The following PITPNB variants were observed in gnomAD, a reference collection of about 807,000 sequenced individuals.
The protein encoded by PITPNB is phosphatidylinositol transfer protein beta, also known as phosphatidylinositol transfer protein beta isoform.
In PITPNB, 16 loss-of-function variants were observed where a neutral mutation model predicts 45.9. The observed-to-expected ratio is 0.35, with a 90% CI of 0.24 to 0.53. PITPNB has a LOEUF of 0.53. Ranked by LOEUF, PITPNB falls within the 20% of genes least tolerant of loss-of-function variation. The pLI, the probability that PITPNB is intolerant of heterozygous loss-of-function variation, is 0.93. For missense variants in PITPNB, 188 were observed against 330.5 expected, an observed-to-expected ratio of 0.57 and a Z score of 3.34; for synonymous variants, 112 against 108.9, an observed-to-expected ratio of 1.03 and a Z score of -0.18.
chr22:27,897,229 C>G, intron 4 of PITPNB, 92 bp from the exon 5 acceptor site: 1 of 854,356 alleles, frequency 1.2e-6, no homozygotes, highest in Non-Finnish European at 2.0e-6. Flanking sequence ...CTTAATGTCA[C>G]AAAGACTAAA....
intron 3 of PITPNB, among the ~76,000 whole-genome samples, chr22:27,903,767 C>G (rs1935678298): frequency 7.4e-6 from 1 of 135,686 alleles, no homozygotes; most frequent in Admixed American, 7.9e-5. Flanking sequence ...CATAGTGAGA[C>G]CCTGTCTCCC....
intron 1 of PITPNB, among the ~76,000 whole-genome samples, chr22:27,917,192 T>C (rs1187503154): frequency 6.6e-6 from 1 of 152,248 alleles, no homozygotes; most frequent in African/African-American, 2.4e-5. Context: ...ATCTTCATAA[T>C]GAAAGCAAAT....
chr22:27,868,121 A>T (rs934300386), intron 8 of PITPNB, among the ~76,000 whole-genome samples: 1 of 152,212 alleles, frequency 6.6e-6, no homozygotes, highest in Non-Finnish European at 1.5e-5. Context: ...CAAATGTGAG[A>T]TTACAGGGAG....
chr22:27,868,379 T>C (rs1341398822), intron 8 of PITPNB, among the ~76,000 whole-genome samples: 1 of 152,192 alleles, frequency 6.6e-6, no homozygotes, highest in African/African-American at 2.4e-5. Context: ...CAAAAAAATT[T>C]TGCAGTTTCA....
chr22:27,856,057 A>C (rs1286961940), intron 10 of PITPNB, among the ~76,000 whole-genome samples: 6 of 152,292 alleles, frequency 3.9e-5, no homozygotes, highest in African/African-American at 1.4e-4. Flanking sequence ...CTGTGTGTGG[A>C]ACCAAGCACT....
intron 1 of PITPNB, among the ~76,000 whole-genome samples, chr22:27,916,668 T>G (rs1936085052): frequency 6.6e-6 from 1 of 152,128 alleles, no homozygotes; most frequent in Non-Finnish European, 1.5e-5. Context: ...CCGGTCATGG[T>G]GGCGTGCGCC....
intron 3 of PITPNB, among the ~76,000 whole-genome samples, chr22:27,900,001 G>A (rs1023741881): frequency 1.3e-5 from 2 of 151,954 alleles, no homozygotes; most frequent in Non-Finnish European, 2.9e-5. Context: ...TCAGGAGTTC[G>A]AGACCAGCCT....
chr22:27,883,003 C>T (rs1935018132), intron 7 of PITPNB, among the ~76,000 whole-genome samples: 1 of 152,120 alleles, frequency 6.6e-6, no homozygotes, highest in Non-Finnish European at 1.5e-5. Flanking sequence ...GTACCCACAC[C>T]AAAACACATC....
chr22:27,901,157 A>G (rs1935580715), intron 3 of PITPNB, among the ~76,000 whole-genome samples: 1 of 152,232 alleles, frequency 6.6e-6, no homozygotes, highest in Admixed American at 6.5e-5. Flanking sequence ...GTTAAGAGTT[A>G]CCCATAGCAC....
intron 7 of PITPNB, among the ~76,000 whole-genome samples, chr22:27,885,180 T>C (rs759144790): frequency 1.0e-5 from 1 of 98,646 alleles, no homozygotes; most frequent in African/African-American, 4.1e-5. Flanking sequence ...GTGCTGGAGA[T>C]GATTAAAAAG....
chr22:27,907,667 A>C (rs547384630), intron 3 of PITPNB, among the ~76,000 whole-genome samples: 1 of 152,124 alleles, frequency 6.6e-6, no homozygotes, highest in African/African-American at 2.4e-5. Context: ...TATGGGAATC[A>C]ACCCTCGCCA....
intron 7 of PITPNB, among the ~76,000 whole-genome samples, chr22:27,875,240 A>G (rs1934786263): frequency 6.6e-6 from 1 of 152,270 alleles, no homozygotes; most frequent in Non-Finnish European, 1.5e-5. Context: ...AAAGTATTAA[A>G]CAGCAAATAG....
intron 7 of PITPNB, among the ~76,000 whole-genome samples, chr22:27,887,385 A>T (rs1935151638): frequency 6.6e-6 from 1 of 152,180 alleles, no homozygotes; most frequent in Admixed American, 6.5e-5. Context: ...AAAGCAAGAG[A>T]GTCAGGCTCC....
At position 27,869,076 on chromosome 22, in the gene PITPNB, T is replaced by TAC. The variant is rs150737268; in HGVS notation, c.534+4660_534+4661dup. Among the ~76,000 whole-genome samples, 1,328 of 150,114 alleles carry TAC rather than the reference T, an allele frequency of 8.8e-3. 8 individuals carry two copies. Among genetic ancestry groups the TAC allele is most frequent in the African/African-American group, 0.026 (1,057 of 41,074 alleles). ...AAAGCTAAAAACAAATGGAAACAGG[T>TAC]ACACACACACACACACACAAACACA... is the stretch of plus-strand genomic sequence containing the variant. On this transcript the variant is annotated intron_variant, in intron 8 of 11. Transcript: ENST00000335272.
At chr22:27,915,195 C>T (rs188100832) in intron 1 of PITPNB, among the ~76,000 whole-genome samples, 379 of 152,324 alleles carry the variant, frequency 2.5e-3, no homozygotes, top group Non-Finnish European at 4.3e-3. Context: ...GGTTCCAAGA[C>T]AGCAACTTCC....
chr22:27,858,204 AAGAG>A (rs1934226056), intron 10 of PITPNB, among the ~76,000 whole-genome samples, 179 bp downstream of exon 10: 1 of 152,232 alleles, frequency 6.6e-6, no homozygotes, highest in Non-Finnish European at 1.5e-5. Context: ...TGCTCAACAA[AAGAG>A]AGATCAGAAT....
chr22:27,891,157 T>C (rs549326751), intron 7 of PITPNB, among the ~76,000 whole-genome samples: 1 of 152,324 alleles, frequency 6.6e-6, no homozygotes, highest in African/African-American at 2.4e-5. Context: ...ACAGTGGTGA[T>C]GGTTGCAGGA....
At chr22:27,907,864 A>G (rs1026693177) in intron 3 of PITPNB, among the ~76,000 whole-genome samples, 1 of 151,960 alleles carries the variant, frequency 6.6e-6, no homozygotes, top group African/African-American at 2.4e-5. Context: ...AATATTGTCT[A>G]TTTCTCAGGA....
chr22:27,879,969 A>C (rs1378383481), intron 7 of PITPNB, among the ~76,000 whole-genome samples: 1 of 152,208 alleles, frequency 6.6e-6, no homozygotes, highest in Non-Finnish European at 1.5e-5. Context: ...AATATGAAAA[A>C]AATTAAACAT....
Sources: gnomAD v4.1 joint callset for allele counts (sites outside exome capture counted in the v4.1 genomes callset) on GRCh38, gnomAD v4.1.1 for gene constraint, MANE v1.5 for transcripts, NCBI Gene and HGNC (gene_info 2026-07-23, HGNC 2026-07-21) for gene names.